SLFN5: variants seen among roughly 807,000 people sequenced by gnomAD.
SLFN5 encodes schlafen family member 5.
SLFN5 carries 34 observed loss-of-function variants against 48.5 expected under a neutral mutation model. That is an observed-to-expected ratio of 0.70 (90% CI 0.53 to 0.93). SLFN5 has a LOEUF of 0.93. SLFN5 is among the 40% of genes least tolerant of loss of function. The pLI is 0.00. For synonymous variants in SLFN5, 387 were observed against 396.2 expected (o/e 0.98, Z 0.28); for missense variants, 1,006 against 1,071.3 (o/e 0.94, Z 0.85).
chr17:35,270,368 T>G lies in SLFN5; in HGVS notation c.*4480T>G, dbSNP rs1488502029. On this transcript the variant is annotated 3_prime_UTR_variant, in exon 5 of 5. Transcript: ENST00000299977. The stretch of plus-strand genomic sequence containing the variant: ...ACTCATAGAAATAATGGGGAAGATA[T>G]TTCAAAACATTGCCATATGCATAGC... 6.6e-6 allele frequency: 1 copy of G among 152,214 alleles called. No individual in the cohort carries two copies. Among genetic ancestry groups the G allele is most frequent in the African/African-American group, 2.4e-5 (1 of 41,456 alleles). The allele number at this position is 152,214 out of a possible 1,614,324, so 9.4% of individuals were successfully genotyped here.
intron 1 of SLFN5, among the ~76,000 whole-genome samples, chr17:35,251,232 T>C (rs1378428192): frequency 6.6e-6 from 1 of 152,212 alleles, no homozygotes; most frequent in Non-Finnish European, 1.5e-5. Context: ...CCCCATTATT[T>C]GCTGTAGCCT....
At chr17:35,244,340 G>C (rs556454539) in intron 1 of SLFN5, among the ~76,000 whole-genome samples, 1 of 152,164 alleles carries the variant, frequency 6.6e-6, no homozygotes, top group African/African-American at 2.4e-5. Context: ...AGGCAGGAAG[G>C]GATGCTTGAG....
In SLFN5 at chr17:35,266,177, T is replaced by TGTGTGC. The variant is rs35160124; in HGVS notation, c.*290_*291insTGTGCG. On this transcript the variant is annotated 3_prime_UTR_variant, in exon 5 of 5. Coordinates refer to ENST00000299977, the MANE Select transcript of SLFN5 (RefSeq NM_144975.4). ...GTGTGTGTGTGTGTGTGTGTGTGTG[T>TGTGTGC]GCGCGCGCGCACGTGCACATGTGTG... The TGTGTGC allele has an allele frequency of 1.5e-3, 267 of 173,382 alleles. 1 individual carries two copies. Among genetic ancestry groups the TGTGTGC allele is most frequent in the African/African-American group, 4.5e-3 (175 of 38,516 alleles). 10.7% of individuals were successfully genotyped at this position (173,382 alleles called of 1,614,324 possible).
intron 1 of SLFN5, among the ~76,000 whole-genome samples, chr17:35,249,524 A>G (rs1005063526): frequency 6.6e-6 from 1 of 152,214 alleles, no homozygotes; most frequent in African/African-American, 2.4e-5. Flanking sequence ...TATGTTAAAC[A>G]CTGTCCCTTT....
intron 1 of SLFN5, among the ~76,000 whole-genome samples, chr17:35,256,349 G>A (rs552445091): frequency 1.7e-3 from 252 of 152,222 alleles, no homozygotes; most frequent in African/African-American, 5.9e-3. Context: ...ACAAGAAGTA[G>A]ACTCCATCTC....
intron 2 of SLFN5, 105 bp from the exon 3 acceptor site, chr17:35,260,866 C>G (rs1023167463): frequency 2.3e-5 from 32 of 1,397,240 alleles, no homozygotes; most frequent in Non-Finnish European, 2.9e-5. Context: ...ATCTGTGGGC[C>G]GTGGCTTGAG....
In SLFN5 at chr17:35,266,142, ATG is replaced by A. The variant is rs58644233; in HGVS notation, c.*289_*290del. 22,520 of 239,372 alleles carry A rather than the reference ATG, an allele frequency of 0.094. 1,157 individuals carry two copies. Among genetic ancestry groups the A allele is most frequent in the African/African-American group, 0.13 (5,643 of 41,802 alleles). 14.8% of individuals were successfully genotyped at this position (239,372 alleles called of 1,614,324 possible). On this transcript the variant is annotated 3_prime_UTR_variant, in exon 5 of 5. Coordinates refer to ENST00000299977, the MANE Select transcript of SLFN5 (RefSeq NM_144975.4). ...AATTAGAGGACCGTGAGACTCAGAG[ATG>A]TGTGTGTGTGTGTGTGTGTGTGTGT...
Position 35,264,635 on chromosome 17 carries a change from C to G in SLFN5, c.1591C>G (p.Gln531Glu), listed in dbSNP as rs1904620783. 6.2e-7 allele frequency: 1 copy of G among 1,614,104 alleles called. No individual in the cohort carries two copies. The highest frequency in any genetic ancestry group is 1.3e-5 in the African/African-American group (1 of 74,930). The change falls in exon 4 of 5, where the codon CAG becomes GAG. Residue 531 changes from glutamine to glutamate, a missense_variant. Transcript: ENST00000299977. The part of the protein sequence containing the change: ...MTPQHMEALL[Q>E]SLVIVLLGFK... ...CCCCCAGCACATGGAAGCCCTGTTA[C>G]AGTCCCTCGTGATAGTCTTGCTTGG...
rs1904883862 is a variant in SLFN5 at position 35,273,423 on chromosome 17, G to T, written c.*7535G>T. 1 of 152,196 alleles carries T rather than the reference G, an allele frequency of 6.6e-6. No individual in the cohort carries two copies. The highest frequency in any genetic ancestry group is 2.1e-4 in the South Asian group (1 of 4,812). The allele number at this position is 152,196 out of a possible 1,614,324, so 9.4% of individuals were successfully genotyped here. On this transcript the variant is annotated 3_prime_UTR_variant, in exon 5 of 5. Coordinates refer to ENST00000299977, the MANE Select transcript of SLFN5 (RefSeq NM_144975.4). ...AATTTTGCTGTGTGTGTTTTTACTTGTTCATGTAGTGATTTTATAAATTAC... is the reference window on the plus strand; with the variant it reads ...AATTTTGCTGTGTGTGTTTTTACTTTTTCATGTAGTGATTTTATAAATTAC...
intron 1 of SLFN5, among the ~76,000 whole-genome samples, chr17:35,256,869 G>A (rs1359725860): frequency 6.6e-6 from 1 of 152,108 alleles, no homozygotes; most frequent in South Asian, 2.1e-4. Flanking sequence ...ACCTGACTGT[G>A]GCCTGTTAGG....
Position 35,265,511 on chromosome 17 carries a change from GA to G in SLFN5, c.2300del (p.Glu767GlyfsTer4). 6.2e-7 allele frequency: 1 copy of G among 1,614,258 alleles called. No homozygotes were observed. Among genetic ancestry groups the G allele is most frequent in the South Asian group, 1.1e-5 (1 of 91,084 alleles). ...NLEIIEDLNL[E>X]EILIYVANKC... ...AGAGATTATTGAAGACTTGAACTTGGAGGAGATACTGATCTATGTAGCGAAT... is the reference window on the plus strand; with the variant it reads ...AGAGATTATTGAAGACTTGAACTTGGGGAGATACTGATCTATGTAGCGAAT... On this transcript the variant is annotated frameshift_variant, in exon 5 of 5. Coordinates refer to ENST00000299977, the MANE Select transcript of SLFN5 (RefSeq NM_144975.4). LOFTEE classifies it low-confidence loss of function (END_TRUNC).
chr17:35,265,556 C>A lies in SLFN5; in HGVS notation c.2344C>A (p.Arg782=). The change falls in exon 5 of 5, where the codon CGG becomes AGG. Residue 782 remains arginine (R), a synonymous_variant. Coordinates refer to ENST00000299977, the MANE Select transcript of SLFN5 (RefSeq NM_144975.4). ...YVANKCRFLL[R]NGYSPKDIAV... is the part of the protein sequence containing the mutation. ...AGCGAATAAATGCCGTTTTCTCTTG[C>A]GGAATGGTTATTCTCCGAAGGATAT... 1 of 1,614,164 alleles carries A rather than the reference C, an allele frequency of 6.2e-7. No homozygotes were observed. The highest frequency in any genetic ancestry group is 1.1e-5 in the South Asian group (1 of 91,078).
Position 35,264,516 on chromosome 17 carries a change from C to G in SLFN5, c.1472C>G (p.Thr491Ser), listed in dbSNP as rs374887713. 5 of 1,613,906 alleles carry G rather than the reference C, an allele frequency of 3.1e-6. No individual in the cohort carries two copies. In the African/African-American group the frequency reaches 6.7e-5, roughly 22 times the overall value. Residue 491 changes from threonine to serine, a missense_variant, in exon 4 of 5, where the codon ACC (threonine) becomes AGC (serine). Physicochemically the swap from Thr to Ser is moderately conservative, Grantham distance 58. Transcript: ENST00000299977. ...KGGYTGRLCI[T>S]PLVCVLNSDR... Reference sequence around the variant, plus strand: ...GGCTACACTGGGAGGTTATGCATCACCCCCTTGGTCTGTGTGCTGAATTCT... The same window carrying G: ...GGCTACACTGGGAGGTTATGCATCAGCCCCTTGGTCTGTGTGCTGAATTCT...
intron 1 of SLFN5, among the ~76,000 whole-genome samples, chr17:35,245,107 T>C (rs960042369): frequency 6.6e-6 from 1 of 152,220 alleles, no homozygotes; most frequent in Non-Finnish European, 1.5e-5. Context: ...CCAAACCCTA[T>C]ATCTAATGTG....
Position 35,271,841 on chromosome 17 carries a change from A to G in SLFN5, c.*5953A>G, listed in dbSNP as rs548877867. On this transcript the variant is annotated 3_prime_UTR_variant, in exon 5 of 5. Transcript: ENST00000299977. Reference sequence around the variant, plus strand: ...GTCCAGGAGTTCCAGACCAGCCTGGACAACATGGTGAAATCCCGTCTCTAT... The same window carrying G: ...GTCCAGGAGTTCCAGACCAGCCTGGGCAACATGGTGAAATCCCGTCTCTAT... The G allele has an allele frequency of 3.3e-5, 5 of 152,260 alleles. No homozygotes were observed. The East Asian group carries it at 9.6e-4, about 29-fold the overall frequency. 9.4% of individuals were successfully genotyped at this position (152,260 alleles called of 1,614,324 possible). A position where few individuals can be genotyped will look rare whatever the true frequency, so the allele number is the denominator to read the frequency against.
At chr17:35,245,782 A>C (rs2092429291) in intron 1 of SLFN5, among the ~76,000 whole-genome samples, 1 of 151,892 alleles carries the variant, frequency 6.6e-6, no homozygotes, top group African/African-American at 2.4e-5. Flanking sequence ...TTCACAAATA[A>C]AAATGTTATG....
rs911492387 is a variant in SLFN5, at chr17:35,270,312, C to T, written c.*4424C>T. 21 of 152,124 alleles carry T rather than the reference C, an allele frequency of 1.4e-4. No individual in the cohort carries two copies. Among genetic ancestry groups the T allele is most frequent in the African/African-American group, 4.8e-4 (20 of 41,424 alleles). The allele number at this position is 152,124 out of a possible 1,614,324, so 9.4% of individuals were successfully genotyped here. A position where few individuals can be genotyped will look rare whatever the true frequency, so the allele number is the denominator to read the frequency against. The stretch of plus-strand genomic sequence containing the variant: ...CCCTTTGCATAAAGACCTTGAAGGT[C>T]ACATGCTGAAATCGCCCTCTACTAA... On this transcript the variant is annotated 3_prime_UTR_variant, in exon 5 of 5. Transcript: ENST00000299977.
At position 35,270,430 on chromosome 17, in the gene SLFN5, T is replaced by C. The variant is rs1904801602; in HGVS notation, c.*4542T>C. 6.6e-6 allele frequency: 1 copy of C among 152,188 alleles called. No homozygotes were observed. Among genetic ancestry groups the C allele is most frequent in the Non-Finnish European group, 1.5e-5 (1 of 68,044 alleles). The allele number at this position is 152,188 out of a possible 1,614,324, so 9.4% of individuals were successfully genotyped here. On this transcript the variant is annotated 3_prime_UTR_variant, in exon 5 of 5. Coordinates refer to ENST00000299977, the MANE Select transcript of SLFN5 (RefSeq NM_144975.4). Reference sequence around the variant, plus strand: ...CCAAGAAAAGCGCCTCTCCATGAACTAAAACCTATGAGTCATTGGTACAGG... The same window carrying C: ...CCAAGAAAAGCGCCTCTCCATGAACCAAAACCTATGAGTCATTGGTACAGG...
chr17:35,259,902 T>A, intron 2 of SLFN5, 200 bp downstream of exon 2: 1 of 647,190 alleles, frequency 1.5e-6, no homozygotes, highest in Non-Finnish European at 2.6e-6. Flanking sequence ...TCTTAAATAG[T>A]CTTCATTCAA....
Sources: allele counts gnomAD v4.1 joint callset (sites outside exome capture counted in the v4.1 genomes callset), GRCh38; gene constraint gnomAD v4.1.1; transcripts MANE v1.5; gene names NCBI Gene and HGNC (gene_info 2026-07-23, HGNC 2026-07-21).